Variants in FAF1 observed in about 807,000 individuals in gnomAD.
FAF1 encodes Fas associated factor 1, also known as FAS-associated factor 1.
FAF1 carries 25 observed loss-of-function variants against 92.5 expected under a neutral mutation model. The ratio of observed to expected loss-of-function variants is 0.27; its 90% CI spans 0.20 to 0.38. FAF1 has a LOEUF of 0.38. Ranked by LOEUF, FAF1 falls within the 10% of genes least tolerant of loss-of-function variation. The pLI is 1.00. For synonymous variants in FAF1, 234 were observed against 273.2 expected (o/e 0.86, Z 1.42); for missense variants, 636 against 793.3 (o/e 0.80, Z 2.38).
intron 6 of FAF1, among the ~76,000 whole-genome samples, chr1:50,708,850 A>G (rs1657799329): frequency 6.6e-6 from 1 of 152,218 alleles, no homozygotes; most frequent in Non-Finnish European, 1.5e-5. Context: ...GTTACGCCAA[A>G]TGCTACTGAG....
At chr1:50,585,853 G>A (rs997926917) in intron 9 of FAF1, among the ~76,000 whole-genome samples, 2 of 147,900 alleles carry the variant, frequency 1.4e-5, no homozygotes, top group African/African-American at 5.0e-5. Context: ...ATTAGCCTGG[G>A]CATCATGGCC....
intron 15 of FAF1, among the ~76,000 whole-genome samples, chr1:50,507,125 C>T (rs1647068883): frequency 6.6e-6 from 1 of 152,154 alleles, no homozygotes; most frequent in Admixed American, 6.5e-5. Context: ...TCTTTTCATA[C>T]TGGACACAGG....
At chr1:50,550,128 G>A (rs1428595523) in intron 13 of FAF1, among the ~76,000 whole-genome samples, 2 of 152,020 alleles carry the variant, frequency 1.3e-5, no homozygotes, top group African/African-American at 4.8e-5. Flanking sequence ...AAGGCAGGCA[G>A]ACCACGAGGT....
chr1:50,959,679 G>C, intron 1 of FAF1, 88 bp downstream of exon 1: 2 of 1,168,454 alleles, frequency 1.7e-6, no homozygotes, highest in Admixed American at 1.8e-5. Flanking sequence ...CACCACTGCA[G>C]CGTTCAAACG....
intron 15 of FAF1, among the ~76,000 whole-genome samples, chr1:50,512,051 G>T (rs1402029688): frequency 6.6e-6 from 1 of 152,134 alleles, no homozygotes; most frequent in Non-Finnish European, 1.5e-5. Context: ...CTTTTGAGAA[G>T]TGTCTGTTCA....
intron 18 of FAF1, among the ~76,000 whole-genome samples, chr1:50,467,991 C>A (rs1646520165): frequency 6.6e-6 from 1 of 152,174 alleles, no homozygotes; most frequent in African/African-American, 2.4e-5. Context: ...GGCAGATCAT[C>A]TGAGCCCAGG....
chr1:50,491,859 GA>G (rs537867308), intron 15 of FAF1, 58 bp from the exon 16 acceptor site: 48 of 1,280,622 alleles, frequency 3.7e-5, no homozygotes, highest in East Asian at 7.2e-5. Flanking sequence ...AAAAAAAAGA[GA>G]AAAAAAACTA....
intron 8 of FAF1, 116 bp from the exon 9 acceptor site, chr1:50,596,332 GTATCCTGGGTATTA>G: frequency 1.4e-6 from 1 of 698,556 alleles, no homozygotes; most frequent in South Asian, 1.9e-5. Context: ...GCTAACTCTA[GTATCCTGGGTATTA>G]CATTACCAGG....
intron 8 of FAF1, among the ~76,000 whole-genome samples, chr1:50,614,619 T>C (rs555687117): frequency 1.3e-5 from 2 of 152,096 alleles, no homozygotes; most frequent in African/African-American, 2.4e-5. Flanking sequence ...GTGGGCGGAT[T>C]ACCTAAGGTC....
chr1:50,698,279 C>T (rs12133203), intron 7 of FAF1, among the ~76,000 whole-genome samples: 15,006 of 152,124 alleles, frequency 0.099, 1,017 homozygotes, highest in South Asian at 0.32. Flanking sequence ...GTACTTACCA[C>T]ATCTATGAAG....
chr1:50,718,088 C>T (rs1246076265), intron 6 of FAF1, among the ~76,000 whole-genome samples: 5 of 151,664 alleles, frequency 3.3e-5, no homozygotes, highest in African/African-American at 7.3e-5. Context: ...GGTGTGGTCT[C>T]GACTCACTGC....
intron 1 of FAF1, among the ~76,000 whole-genome samples, chr1:50,886,620 C>T (rs546322823): frequency 4.6e-5 from 7 of 151,676 alleles, no homozygotes; most frequent in African/African-American, 1.7e-4. Context: ...TGAGTGAGAA[C>T]ATGTGGTGTT....
intron 7 of FAF1, among the ~76,000 whole-genome samples, chr1:50,662,962 G>C (rs909303403): frequency 3.3e-5 from 5 of 151,558 alleles, no homozygotes; most frequent in Admixed American, 1.3e-4. Context: ...CTCCCGAAGT[G>C]CTGGGATTAC....
chr1:50,925,028 G>T (rs1557591387), intron 1 of FAF1, among the ~76,000 whole-genome samples: 1 of 152,246 alleles, frequency 6.6e-6, no homozygotes, highest in East Asian at 1.9e-4. Context: ...CAACAGAACA[G>T]AGAACCTTGA....
chr1:50,824,368 T>C lies in FAF1; in HGVS notation c.115-22691A>G, dbSNP rs1218536712. ...AAAACCTATTTGAAGATAGTTATTA[T>C]ACTGATCATTCATTTAGCACATACT... On this transcript the variant is annotated intron_variant, in intron 2 of 18. Coordinates refer to ENST00000396153, the MANE Select transcript of FAF1 (RefSeq NM_007051.3). Among the ~76,000 whole-genome samples, 3 of 152,282 alleles carry C rather than the reference T, an allele frequency of 2.0e-5. No individual in the cohort carries two copies. The East Asian group carries it at 5.8e-4, about 29-fold the overall frequency.
intron 15 of FAF1, among the ~76,000 whole-genome samples, chr1:50,519,997 C>T (rs1401392097): frequency 1.3e-5 from 2 of 152,130 alleles, no homozygotes. Context: ...CATATATCTC[C>T]TGGTGTTGAG....
chr1:50,577,181 TAA>T (rs765380255), intron 12 of FAF1, among the ~76,000 whole-genome samples: 1 of 152,346 alleles, frequency 6.6e-6, no homozygotes, highest in East Asian at 1.9e-4. Context: ...GTTATTTGCC[TAA>T]GTTTTTCTCA....
At chr1:50,744,817 C>T in intron 4 of FAF1, 42 bp from the exon 5 acceptor site, 1 of 1,194,570 alleles carries the variant, frequency 8.4e-7, no homozygotes, top group Non-Finnish European at 1.2e-6. Context: ...AACAAAATAA[C>T]ACAGTTAACA....
At chr1:50,932,063 C>G (rs1371259055) in intron 1 of FAF1, among the ~76,000 whole-genome samples, 1 of 151,672 alleles carries the variant, frequency 6.6e-6, no homozygotes, top group Non-Finnish European at 1.5e-5. Context: ...TACCTCCCCC[C>G]GGGTCCCTCC....
Sources: allele counts gnomAD v4.1 joint callset (sites outside exome capture counted in the v4.1 genomes callset), GRCh38; gene constraint gnomAD v4.1.1; transcripts MANE v1.5; gene names NCBI Gene and HGNC (gene_info 2026-07-23, HGNC 2026-07-21).